Variants in MDM4 observed in about 807,000 individuals in gnomAD.
MDM4 encodes MDM4 regulator of p53, also known as protein Mdm4.
In MDM4, 2 loss-of-function variants were observed where a neutral mutation model predicts 60.2. The ratio of observed to expected loss-of-function variants is 0.03; its 90% CI spans 0.01 to 0.10. The LOEUF (loss-of-function observed/expected upper bound fraction) is 0.10. Ranked by LOEUF, MDM4 falls within the 10% of genes least tolerant of loss-of-function variation. The pLI is 1.00. For synonymous variants in MDM4, 202 were observed against 198.1 expected (o/e 1.02, Z -0.17); for missense variants, 447 against 577.5 (o/e 0.77, Z 2.32).
At chr1:204,536,767 C>T (rs1406778738) in intron 5 of MDM4, 1 of 179,002 alleles carries the variant, frequency 5.6e-6, no homozygotes, top group African/African-American at 2.4e-5. Flanking sequence ...TTCCTTGGTT[C>T]TTTTTATTGG....
intron 1 of MDM4, among the ~76,000 whole-genome samples, chr1:204,517,747 C>G (rs936289308): frequency 1.3e-5 from 2 of 152,128 alleles, no homozygotes; most frequent in Admixed American, 1.3e-4. Flanking sequence ...TGCTGCAGCT[C>G]TGTGCTGTTG....
intron 3 of MDM4, among the ~76,000 whole-genome samples, chr1:204,530,376 C>T (rs566879122): frequency 2.0e-5 from 3 of 152,202 alleles, no homozygotes; most frequent in Admixed American, 6.5e-5. Flanking sequence ...GAATAGACTT[C>T]TTTATTTGGA....
At chr1:204,526,509 G>A (rs1660179796) in intron 3 of MDM4, 75 bp downstream of exon 3, 4 of 1,122,606 alleles carry the variant, frequency 3.6e-6, no homozygotes, top group Non-Finnish European at 5.2e-6. Flanking sequence ...TTTTGCCCAG[G>A]CTGGAGTGCA....
Position 204,552,310 on chromosome 1 carries a change from A to G in MDM4, c.*2628A>G, listed in dbSNP as rs1663275625. ...AAAAAATCGCAAAAAGAAAAATCTCATAATGTCGTTGTTGGTTTTTTTTTT... is the reference window on the plus strand; with the variant it reads ...AAAAAATCGCAAAAAGAAAAATCTCGTAATGTCGTTGTTGGTTTTTTTTTT... On this transcript the variant is annotated 3_prime_UTR_variant, in exon 11 of 11. Coordinates refer to ENST00000367182, the MANE Select transcript of MDM4 (RefSeq NM_002393.5). The G allele has an allele frequency of 6.9e-6, 1 of 145,184 alleles. No individual in the cohort carries two copies. The highest frequency in any genetic ancestry group is 1.5e-5 in the Non-Finnish European group (1 of 66,838). The allele number at this position is 145,184 out of a possible 1,614,324, so 9.0% of individuals were successfully genotyped here.
rs148412091 is a variant in MDM4, at chr1:204,551,588, T to C, written c.*1906T>C. 8 of 222,666 alleles carry C rather than the reference T, an allele frequency of 3.6e-5. No individual in the cohort carries two copies. The highest frequency in any genetic ancestry group is 1.2e-4 in the Admixed American group (2 of 16,806). The allele number at this position is 222,666 out of a possible 1,614,324, so 13.8% of individuals were successfully genotyped here. ...AGCACATATTTTAGGACAACACATA[T>C]GGAAATTGGACATCTTTAAGTTGGT... is the stretch of plus-strand genomic sequence containing the variant. On this transcript the variant is annotated 3_prime_UTR_variant, in exon 11 of 11. Transcript: ENST00000367182.
At chr1:204,529,690 G>T in intron 3 of MDM4, 1 of 559,880 alleles carries the variant, frequency 1.8e-6, no homozygotes, top group South Asian at 2.8e-5. Context: ...ACAGATAGCT[G>T]GCTGTGGCAA....
intron 1 of MDM4, among the ~76,000 whole-genome samples, chr1:204,521,476 G>A (rs1283953357): frequency 6.6e-6 from 1 of 152,156 alleles, no homozygotes; most frequent in African/African-American, 2.4e-5. Flanking sequence ...ACTGGGGCTG[G>A]AAGATGTGTG....
At chr1:204,531,140 C>T (rs1253932984) in intron 4 of MDM4, among the ~76,000 whole-genome samples, 1 of 152,068 alleles carries the variant, frequency 6.6e-6, no homozygotes, top group African/African-American at 2.4e-5. Context: ...TGTTAGAGGT[C>T]AAGAAAATGT....
rs4252729 is a variant in MDM4 at position 204,545,048 on chromosome 1, A to C, written c.822+364A>C. ...ACACAAATTCATAAACTTTTAAAAA[A>C]CATTATGAGTTTTCTTGCGATTTTT... On this transcript the variant is annotated intron_variant, in intron 9 of 10. Transcript: ENST00000367182. 5.8e-3 allele frequency among the ~76,000 whole-genome samples: 879 copies of C among 152,302 alleles called. 7 individuals carry two copies. Among genetic ancestry groups the C allele is most frequent in the African/African-American group, 0.021 (853 of 41,554 alleles).
intron 3 of MDM4, chr1:204,528,737 T>C: frequency 2.8e-6 from 2 of 701,994 alleles, no homozygotes; most frequent in South Asian, 1.7e-5. Context: ...CAAGGGAGAA[T>C]GTTCTTCTAG....
chr1:204,539,029 C>G (rs549473565), intron 7 of MDM4, among the ~76,000 whole-genome samples: 16 of 152,224 alleles, frequency 1.1e-4, no homozygotes, highest in African/African-American at 3.9e-4. Flanking sequence ...GCCACCACAC[C>G]CGGCTAATTT....
intron 1 of MDM4, among the ~76,000 whole-genome samples, chr1:204,523,240 C>T (rs1659750758): frequency 2.0e-5 from 3 of 149,298 alleles, no homozygotes; most frequent in African/African-American, 7.3e-5. Flanking sequence ...GAGGCTGAGG[C>T]AGGCGGATCA....
At chr1:204,532,510 T>C (rs1038204363) in intron 5 of MDM4, 1 of 554,982 alleles carries the variant, frequency 1.8e-6, no homozygotes, top group African/African-American at 1.9e-5. Context: ...TAAAAATCTC[T>C]AGCAGATAAG....
chr1:204,532,019 T>C (rs1660908423), intron 4 of MDM4, among the ~76,000 whole-genome samples, 172 bp from the exon 5 acceptor site: 1 of 152,254 alleles, frequency 6.6e-6, no homozygotes, highest in South Asian at 2.1e-4. Flanking sequence ...CATTAACATC[T>C]TAATATTTAA....
intron 1 of MDM4, among the ~76,000 whole-genome samples, chr1:204,522,412 T>C (rs1659651894): frequency 1.7e-5 from 1 of 57,996 alleles, no homozygotes; most frequent in Non-Finnish European, 3.2e-5. Flanking sequence ...ATTTTTTTTT[T>C]TTTTTTGAAA....
At chr1:204,526,177 G>A (rs1043305760) in intron 2 of MDM4, among the ~76,000 whole-genome samples, 183 bp from the exon 3 acceptor site, 12 of 152,096 alleles carry the variant, frequency 7.9e-5, no homozygotes, top group Non-Finnish European at 1.3e-4. Flanking sequence ...GATCAGTTGA[G>A]TCTGGGAGGT....
chr1:204,527,129 T>TAA (rs71568035), intron 3 of MDM4, among the ~76,000 whole-genome samples: 2 of 142,038 alleles, frequency 1.4e-5, no homozygotes, highest in Non-Finnish European at 3.1e-5. Flanking sequence ...ACCCTGTCTC[T>TAA]AAAAAAAAAA....
At chr1:204,543,423 C>G (rs1378388958) in intron 8 of MDM4, among the ~76,000 whole-genome samples, 1 of 152,198 alleles carries the variant, frequency 6.6e-6, no homozygotes, top group African/African-American at 2.4e-5. Context: ...TTCCTCACTT[C>G]CTGTCATTCT....
At chr1:204,519,234 T>C (rs1186015222) in intron 1 of MDM4, among the ~76,000 whole-genome samples, 1 of 152,150 alleles carries the variant, frequency 6.6e-6, no homozygotes, top group Non-Finnish European at 1.5e-5. Flanking sequence ...CTATAGGATT[T>C]TTTTACTTTT....
Sources: gnomAD v4.1 joint callset for allele counts (sites outside exome capture counted in the v4.1 genomes callset) on GRCh38, gnomAD v4.1.1 for gene constraint, MANE v1.5 for transcripts, NCBI Gene and HGNC (gene_info 2026-07-23, HGNC 2026-07-21) for gene names.